The following CCNY variants were observed in gnomAD, a reference collection of about 807,000 sequenced individuals.
CCNY encodes the protein cyclin Y.
Under a neutral mutation model 42.8 loss-of-function variants are expected in CCNY, and 19 were observed. That is an observed-to-expected ratio of 0.44 (90% CI 0.31 to 0.65). The LOEUF is 0.65. Ranked by LOEUF, CCNY falls within the 30% of genes least tolerant of loss-of-function variation. The pLI is 0.07. For missense variants in CCNY, 370 were observed against 437.3 expected, an observed-to-expected ratio of 0.85 and a Z score of 1.37; for synonymous variants, 165 against 162.7, an observed-to-expected ratio of 1.01 and a Z score of -0.11.
intron 4 of CCNY, among the ~76,000 whole-genome samples, chr10:35,524,586 G>A (rs995154305): frequency 6.6e-6 from 1 of 152,166 alleles, no homozygotes; most frequent in Non-Finnish European, 1.5e-5. Flanking sequence ...ACCGTCTGTT[G>A]CAGCCAGTTA....
chr10:35,519,782 T>C (rs914986869), intron 4 of CCNY, among the ~76,000 whole-genome samples: 104 of 130,556 alleles, frequency 8.0e-4, no homozygotes, highest in African/African-American at 2.8e-3. Flanking sequence ...TTTTCTTTTT[T>C]TTTTTTTTTT....
intron 2 of CCNY, among the ~76,000 whole-genome samples, chr10:35,499,519 A>G (rs1228127772): frequency 6.6e-6 from 1 of 152,224 alleles, no homozygotes; most frequent in Non-Finnish European, 1.5e-5. Flanking sequence ...TATAGTCAGA[A>G]CTATTGAAGG....
chr10:35,307,949 C>G (rs1004918292), intron 3 of CCNY, among the ~76,000 whole-genome samples: 12 of 150,752 alleles, frequency 8.0e-5, no homozygotes, highest in Admixed American at 7.3e-4. Context: ...TCCTGACTAG[C>G]TGGGATTACA....
At chr10:35,387,190 G>A (rs1837317029) in intron 1 of CCNY, among the ~76,000 whole-genome samples, 1 of 152,162 alleles carries the variant, frequency 6.6e-6, no homozygotes, top group Non-Finnish European at 1.5e-5. Context: ...ATTAACTTAT[G>A]AACAAAGGAA....
intron 2 of CCNY, among the ~76,000 whole-genome samples, chr10:35,491,539 C>T (rs757681264): frequency 6.6e-6 from 1 of 152,162 alleles, no homozygotes; most frequent in Non-Finnish European, 1.5e-5. Flanking sequence ...CGTACATGCT[C>T]CTTGGGGTTG....
intron 1 of CCNY, among the ~76,000 whole-genome samples, chr10:35,439,469 T>C (rs1402227825): frequency 6.6e-6 from 1 of 152,172 alleles, no homozygotes; most frequent in African/African-American, 2.4e-5. Context: ...GGTACTTGTT[T>C]ATAGTTTTTA....
chr10:35,350,351 G>T (rs1381552745), intron 1 of CCNY, among the ~76,000 whole-genome samples: 1 of 151,694 alleles, frequency 6.6e-6, no homozygotes, highest in Non-Finnish European at 1.5e-5. Context: ...TTTCACATTA[G>T]CTACTTCTGT....
intron 1 of CCNY, among the ~76,000 whole-genome samples, chr10:35,397,713 C>T (rs1170174895): frequency 1.3e-5 from 2 of 152,138 alleles, no homozygotes; most frequent in Non-Finnish European, 2.9e-5. Context: ...ATGTCTGAAC[C>T]ATCCCAGGAG....
rs949656461 is a variant in CCNY at position 35,483,131 on chromosome 10, T to C, written c.155-273T>C. ...CTCTGTCCTGCTATTTTATAGTATA[T>C]TGGGTGCAGAGCAGAATTTTTTCAG... is the stretch of plus-strand genomic sequence containing the variant. On this transcript the variant is annotated intron_variant, in intron 1 of 9. Coordinates refer to ENST00000374704, the MANE Select transcript of CCNY (RefSeq NM_145012.6). Among the ~76,000 whole-genome samples, 4 of 152,312 alleles carry C rather than the reference T, an allele frequency of 2.6e-5. No individual in the cohort carries two copies. In the East Asian group the frequency reaches 5.8e-4, roughly 22 times the overall value.
At position 35,402,424 on chromosome 10, in the gene CCNY, G is replaced by A. The variant is rs930988743; in HGVS notation, c.154+65217G>A. Among the ~76,000 whole-genome samples, 11 of 152,266 alleles carry A rather than the reference G, an allele frequency of 7.2e-5. 1 individual carries two copies. Among genetic ancestry groups the A allele is most frequent in the South Asian group, 4.1e-4 (2 of 4,830 alleles). ...CAGTGTTATTGTTTGCTTGGTTGGC[G>A]AGTTTTTGGGCTCTATCCTTGAGTT... On this transcript the variant is annotated intron_variant, in intron 1 of 9. Transcript: ENST00000374704.
chr10:35,563,069 G>C (rs1005960405), intron 8 of CCNY, among the ~76,000 whole-genome samples: 1 of 151,852 alleles, frequency 6.6e-6, no homozygotes, highest in Non-Finnish European at 1.5e-5. Flanking sequence ...AAATCCATCA[G>C]GCCCATTCTT....
chr10:35,321,410 C>T (rs1835820834), intron 3 of CCNY, among the ~76,000 whole-genome samples: 1 of 151,898 alleles, frequency 6.6e-6, no homozygotes, highest in African/African-American at 2.4e-5. Flanking sequence ...CGATGGCTCA[C>T]ACCTATAATC....
intron 1 of CCNY, among the ~76,000 whole-genome samples, chr10:35,466,659 C>T (rs1839276264): frequency 1.3e-5 from 2 of 152,194 alleles, no homozygotes; most frequent in African/African-American, 4.8e-5. Flanking sequence ...TATGGTTTTC[C>T]TTACCTGGCC....
At chr10:35,539,935 C>T (rs1203805470) in intron 7 of CCNY, among the ~76,000 whole-genome samples, 1 of 152,108 alleles carries the variant, frequency 6.6e-6, no homozygotes, top group Non-Finnish European at 1.5e-5. Flanking sequence ...TTGTACCCTG[C>T]CACATTGCTG....
intron 1 of CCNY, among the ~76,000 whole-genome samples, chr10:35,401,073 G>A (rs141654469): frequency 5.9e-5 from 9 of 152,358 alleles, no homozygotes; most frequent in Non-Finnish European, 1.0e-4. Context: ...GCAACTGGCC[G>A]GCCCCGGCCC....
At chr10:35,354,339 C>G (rs527935938) in intron 1 of CCNY, among the ~76,000 whole-genome samples, 19 of 152,214 alleles carry the variant, frequency 1.2e-4, no homozygotes, top group Non-Finnish European at 2.4e-4. Flanking sequence ...GCGCCCACCA[C>G]CACGCCTGGC....
At chr10:35,440,433 C>T (rs1459205415) in intron 1 of CCNY, among the ~76,000 whole-genome samples, 8 of 152,152 alleles carry the variant, frequency 5.3e-5, no homozygotes, top group African/African-American at 1.2e-4. Flanking sequence ...CAGAGGCAAG[C>T]GTAGATGAGA....
chr10:35,564,125 C>T (rs1841520372), intron 8 of CCNY, among the ~76,000 whole-genome samples: 1 of 152,104 alleles, frequency 6.6e-6, no homozygotes, highest in Non-Finnish European at 1.5e-5. Flanking sequence ...GGTGATCCAC[C>T]CGCCTCAGCC....
chr10:35,428,419 C>T (rs756602400), intron 1 of CCNY, among the ~76,000 whole-genome samples: 13 of 152,152 alleles, frequency 8.5e-5, no homozygotes, highest in Non-Finnish European at 1.9e-4. Flanking sequence ...CCAGGAACTG[C>T]AGGAAAGCCA....
Sources: gnomAD v4.1 joint callset for allele counts (sites outside exome capture counted in the v4.1 genomes callset) on GRCh38, gnomAD v4.1.1 for gene constraint, MANE v1.5 for transcripts, NCBI Gene and HGNC (gene_info 2026-07-23, HGNC 2026-07-21) for gene names.